Variants in CSMD1 observed in about 807,000 individuals in gnomAD.
The protein encoded by CSMD1 is CUB and sushi domain-containing protein 1.
In CSMD1, 213 loss-of-function variants were observed where a neutral mutation model predicts 417.5. The ratio of observed to expected loss-of-function variants is 0.51; its 90% CI spans 0.46 to 0.57. CSMD1 has a LOEUF of 0.57. Ranked by LOEUF, CSMD1 falls within the 20% of genes least tolerant of loss-of-function variation. CSMD1 has a pLI of 0.00. For missense variants in CSMD1, 6,923 were observed against 4,529.7 expected, an observed-to-expected ratio of 1.53 and a Z score of -15.17; for synonymous variants, 2,862 against 1,736.8, an observed-to-expected ratio of 1.65 and a Z score of -16.11.
intron 9 of CSMD1, among the ~76,000 whole-genome samples, chr8:3,582,369 G>C (rs536928867): frequency 6.6e-6 from 1 of 152,226 alleles, no homozygotes; most frequent in East Asian, 1.9e-4. Flanking sequence ...CTTAAAAAAG[G>C]GAATGGTGAC....
intron 5 of CSMD1, among the ~76,000 whole-genome samples, chr8:3,933,945 G>C (rs1431091837): frequency 6.6e-6 from 1 of 152,036 alleles, no homozygotes; most frequent in Non-Finnish European, 1.5e-5. Context: ...ACCAGCCAGG[G>C]ACCTAGGCAG....
intron 1 of CSMD1, among the ~76,000 whole-genome samples, chr8:4,957,701 T>G (rs1277638236): frequency 2.0e-5 from 3 of 152,182 alleles, no homozygotes; most frequent in African/African-American, 7.2e-5. Context: ...AGTAAGATTT[T>G]TTGTTTGTTT....
At chr8:4,921,971 G>C (rs533453069) in intron 1 of CSMD1, among the ~76,000 whole-genome samples, 12 of 152,190 alleles carry the variant, frequency 7.9e-5, no homozygotes, top group South Asian at 2.1e-4. Context: ...TCTTCACTCA[G>C]CCAAATTTGC....
At chr8:3,446,240 G>C (rs560862374) in intron 12 of CSMD1, among the ~76,000 whole-genome samples, 1 of 152,310 alleles carries the variant, frequency 6.6e-6, no homozygotes, top group East Asian at 1.9e-4. Flanking sequence ...CCTTGGAAGA[G>C]GGACAGACTC....
In CSMD1 at chr8:4,909,498, C is replaced by A. The variant is rs149929096; in HGVS notation, c.85+84834G>T. ...TGATAACCTTCTAGCAGAGATTTTT[C>A]CCTAAAGAGAAAGCCTTCCTGATGT... On this transcript the variant is annotated intron_variant, in intron 1 of 69. Transcript: ENST00000635120. 2.1e-3 allele frequency among the ~76,000 whole-genome samples: 327 copies of A among 152,226 alleles called. 1 individual carries two copies. The highest frequency in any genetic ancestry group is 7.5e-3 in the African/African-American group (310 of 41,536).
intron 1 of CSMD1, among the ~76,000 whole-genome samples, chr8:4,975,656 G>T (rs2117402761): frequency 6.6e-6 from 1 of 152,322 alleles, no homozygotes; most frequent in Middle Eastern, 3.4e-3. Flanking sequence ...ACTCTGAAGT[G>T]AGGTAACGGT....
intron 7 of CSMD1, among the ~76,000 whole-genome samples, chr8:3,654,924 C>T (rs1029832383): frequency 6.6e-6 from 1 of 152,184 alleles, no homozygotes; most frequent in African/African-American, 2.4e-5. Flanking sequence ...AGCCAGGGAG[C>T]ATCTCATCTG....
intron 7 of CSMD1, among the ~76,000 whole-genome samples, chr8:3,620,935 T>A (rs146113490): frequency 6.6e-6 from 1 of 152,328 alleles, no homozygotes; most frequent in African/African-American, 2.4e-5. Flanking sequence ...CACAATTGAC[T>A]GTATTTGGAG....
At chr8:4,738,700 T>G (rs1810403806) in intron 1 of CSMD1, among the ~76,000 whole-genome samples, 1 of 152,206 alleles carries the variant, frequency 6.6e-6, no homozygotes, top group South Asian at 2.1e-4. Flanking sequence ...TATATAAATT[T>G]TCATTGATAT....
chr8:4,161,077 A>G (rs1191480245), intron 3 of CSMD1, among the ~76,000 whole-genome samples: 1 of 151,992 alleles, frequency 6.6e-6, no homozygotes, highest in Non-Finnish European at 1.5e-5. Context: ...AGGAAATGTA[A>G]ATAATGTAAG....
intron 17 of CSMD1, among the ~76,000 whole-genome samples, chr8:3,388,929 ACACAC>A (rs1811178875): frequency 9.6e-6 from 1 of 104,080 alleles, no homozygotes; most frequent in South Asian, 3.2e-4. Flanking sequence ...ACACACACAC[ACACAC>A]ACACACATTC....
chr8:3,542,378 T>G (rs1798476841), intron 10 of CSMD1, among the ~76,000 whole-genome samples: 1 of 152,222 alleles, frequency 6.6e-6, no homozygotes, highest in South Asian at 2.1e-4. Context: ...TTATTTTATT[T>G]TACAAATATA....
At chr8:3,089,451 C>T (rs6984113) in intron 48 of CSMD1, among the ~76,000 whole-genome samples, 18,497 of 152,212 alleles carry the variant, frequency 0.12, 1,465 homozygotes, top group Non-Finnish European at 0.18. Context: ...GTTTTTAACT[C>T]GGATTTCCAA....
At chr8:4,602,337 C>G (rs953040712) in intron 2 of CSMD1, among the ~76,000 whole-genome samples, 2 of 152,094 alleles carry the variant, frequency 1.3e-5, no homozygotes, top group Non-Finnish European at 2.9e-5. Context: ...AACCAAATAG[C>G]AGATAAGGAA....
At chr8:3,981,964 G>T (rs892992279) in intron 5 of CSMD1, among the ~76,000 whole-genome samples, 1 of 151,922 alleles carries the variant, frequency 6.6e-6, no homozygotes, top group Non-Finnish European at 1.5e-5. Flanking sequence ...AAGTTCAGGA[G>T]ATTGAGACCA....
intron 7 of CSMD1, among the ~76,000 whole-genome samples, chr8:3,641,683 G>A (rs1378660964): frequency 2.0e-5 from 3 of 152,176 alleles, no homozygotes; most frequent in Admixed American, 6.5e-5. Context: ...TGCCCCAACA[G>A]AGGGGGCCAG....
intron 3 of CSMD1, among the ~76,000 whole-genome samples, chr8:4,322,435 C>G (rs1799322242): frequency 6.6e-6 from 1 of 152,060 alleles, no homozygotes. Context: ...GCAGAATATT[C>G]TATCATAAGA....
At chr8:4,867,180 A>G (rs1350302) in intron 1 of CSMD1, among the ~76,000 whole-genome samples, 1 of 151,966 alleles carries the variant, frequency 6.6e-6, no homozygotes, top group African/African-American at 2.4e-5. Flanking sequence ...ACAGCAAAAA[A>G]CTAAAAAATG....
At chr8:4,851,902 T>A (rs73659214) in intron 1 of CSMD1, among the ~76,000 whole-genome samples, 14 of 152,260 alleles carry the variant, frequency 9.2e-5, no homozygotes, top group South Asian at 8.3e-4. Context: ...AAATTTATAC[T>A]CATTTGCTAT....
Sources: gnomAD v4.1 joint callset for allele counts (sites outside exome capture counted in the v4.1 genomes callset) on GRCh38, gnomAD v4.1.1 for gene constraint, MANE v1.5 for transcripts, NCBI Gene and HGNC (gene_info 2026-07-23, HGNC 2026-07-21) for gene names.